The following UXS1 variants were observed in gnomAD, a reference collection of about 807,000 sequenced individuals.
The protein encoded by UXS1 is UDP-glucuronate decarboxylase 1, also known as UDP-glucuronic acid decarboxylase 1.
In UXS1, 33 loss-of-function variants were observed where a neutral mutation model predicts 62.6. The observed-to-expected ratio is 0.53, with a 90% CI of 0.40 to 0.70. The LOEUF is 0.70. UXS1 is among the 30% of genes least tolerant of loss of function. UXS1 has a pLI of 0.00. For missense variants in UXS1, 434 were observed against 556.3 expected, an observed-to-expected ratio of 0.78 and a Z score of 2.21; for synonymous variants, 213 against 206.8, an observed-to-expected ratio of 1.03 and a Z score of -0.26.
At chr2:106,138,139 C>A (rs759214511) in intron 6 of UXS1, 7 of 983,034 alleles carry the variant, frequency 7.1e-6, no homozygotes, top group Non-Finnish European at 8.5e-6. Context: ...GAAGCCTCTC[C>A]GACATCAAAC....
intron 1 of UXS1, among the ~76,000 whole-genome samples, chr2:106,185,470 C>T (rs578074109): frequency 6.6e-6 from 1 of 152,308 alleles, no homozygotes; most frequent in East Asian, 1.9e-4. Context: ...CCATTCAATT[C>T]TGGCTCCTTG....
intron 13 of UXS1, 93 bp from the exon 14 acceptor site, chr2:106,096,914 T>C (rs2104824349): frequency 8.1e-7 from 1 of 1,228,376 alleles, no homozygotes; most frequent in Non-Finnish European, 1.2e-6. Context: ...ACCCCATATG[T>C]GGTGTGAATA....
chr2:106,143,558 G>A (rs1226060647), intron 6 of UXS1, among the ~76,000 whole-genome samples: 4 of 151,618 alleles, frequency 2.6e-5, no homozygotes, highest in South Asian at 2.1e-4. Flanking sequence ...TTCACGATCC[G>A]ATCTGACAGG....
intron 10 of UXS1, among the ~76,000 whole-genome samples, chr2:106,108,196 T>A (rs1573413745): frequency 1.3e-5 from 2 of 152,390 alleles, no homozygotes; most frequent in South Asian, 4.1e-4. Context: ...TTAGCCTACC[T>A]ATTTCACTAA....
At chr2:106,172,211 G>T (rs149197512) in intron 1 of UXS1, among the ~76,000 whole-genome samples, 1 of 152,348 alleles carries the variant, frequency 6.6e-6, no homozygotes, top group South Asian at 2.1e-4. Flanking sequence ...GCCTGGCTGG[G>T]TGACAAGCAG....
At position 106,157,772 on chromosome 2, in the gene UXS1, A is replaced by C. The variant is rs1289558239; in HGVS notation, c.291+286T>G. ...TATCACATTATTTCTTTCAGACGAA[A>C]TGTTCAAAAAAGGCAGATTCATAGA... On this transcript the variant is annotated intron_variant, in intron 5 of 14. Coordinates refer to ENST00000283148, the MANE Select transcript of UXS1 (RefSeq NM_001253875.2). 2.4e-4 allele frequency among the ~76,000 whole-genome samples: 36 copies of C among 152,214 alleles called. 1 individual carries two copies. Among genetic ancestry groups the C allele is most frequent in the Non-Finnish European group, 1.5e-5 (1 of 68,036 alleles).
intron 1 of UXS1, among the ~76,000 whole-genome samples, chr2:106,178,004 CAG>C (rs1423955851): frequency 6.6e-6 from 1 of 152,222 alleles, no homozygotes; most frequent in African/African-American, 2.4e-5. Context: ...AGACAAAGAA[CAG>C]AGTCAAATGC....
chr2:106,127,738 A>G (rs536358436), intron 7 of UXS1, among the ~76,000 whole-genome samples: 2 of 152,314 alleles, frequency 1.3e-5, no homozygotes, highest in South Asian at 4.1e-4. Flanking sequence ...TTCAGAATAC[A>G]AAGTCCAATT....
intron 11 of UXS1, chr2:106,102,254 T>C (rs915043051): frequency 1.3e-5 from 2 of 152,234 alleles, no homozygotes; most frequent in African/African-American, 4.8e-5. Flanking sequence ...GCAGTATTGC[T>C]ACATTACAAT....
intron 1 of UXS1, 83 bp downstream of exon 1, chr2:106,194,065 G>T: frequency 8.4e-7 from 1 of 1,186,232 alleles, no homozygotes; most frequent in Non-Finnish European, 1.1e-6. Flanking sequence ...GGCCGCCTCG[G>T]GGCCCCGAAC....
At chr2:106,107,142 T>C (rs1678152891) in intron 10 of UXS1, among the ~76,000 whole-genome samples, 1 of 152,214 alleles carries the variant, frequency 6.6e-6, no homozygotes. Flanking sequence ...TGCCTCTGTC[T>C]GCATCCGGGG....
At chr2:106,130,858 A>G (rs528962884) in intron 6 of UXS1, among the ~76,000 whole-genome samples, 140 of 152,102 alleles carry the variant, frequency 9.2e-4, no homozygotes, top group African/African-American at 2.6e-3. Flanking sequence ...ATTCATATAT[A>G]TATATTTTTT....
At chr2:106,153,108 T>C (rs1322681447) in intron 5 of UXS1, among the ~76,000 whole-genome samples, 1 of 152,132 alleles carries the variant, frequency 6.6e-6, no homozygotes, top group African/African-American at 2.4e-5. Flanking sequence ...GCAATAGATC[T>C]ATGAGAATAA....
At position 106,122,974 on chromosome 2, in the gene UXS1, T is replaced by G; in HGVS notation, c.755A>C (p.Lys252Thr). ...GCCTAGACCCTGGTGAAATACCTGC[T>G]TCATGTAGGCATAGCACATGGTCTC... ...VAETMCYAYM[K>T]QEGVEVRVAR... is the part of the protein sequence containing the mutation. Residue 252 changes from lysine to threonine, a missense_variant, in exon 9 of 15, where the codon AAG becomes ACG. Around this residue, in one of 3 missense-constraint regions of UXS1, gnomAD observed 209 missense variants for 233.3 expected, o/e 0.90. Coordinates refer to ENST00000283148, the MANE Select transcript of UXS1 (RefSeq NM_001253875.2). The G allele has an allele frequency of 6.2e-7, 1 of 1,613,776 alleles. No individual in the cohort carries two copies.
chr2:106,160,867 A>C (rs1163307308), intron 4 of UXS1, among the ~76,000 whole-genome samples: 1 of 152,234 alleles, frequency 6.6e-6, no homozygotes, highest in African/African-American at 2.4e-5. Flanking sequence ...GTTCTTCTTC[A>C]ATATGTAGCA....
chr2:106,160,398 G>C (rs898433738), intron 4 of UXS1: 1 of 152,188 alleles, frequency 6.6e-6, no homozygotes, highest in African/African-American at 2.4e-5. Context: ...TCGTGAAAAC[G>C]CTGGAGCCGT....
At chr2:106,095,398 A>G (rs1676991947) in intron 14 of UXS1, among the ~76,000 whole-genome samples, 1 of 152,224 alleles carries the variant, frequency 6.6e-6, no homozygotes, top group Admixed American at 6.5e-5. Context: ...TTTTTAGCAG[A>G]TTACGTAGAC....
chr2:106,105,336 CTAA>C, intron 10 of UXS1, among the ~76,000 whole-genome samples: 1 of 152,130 alleles, frequency 6.6e-6, no homozygotes, highest in Non-Finnish European at 1.5e-5. Flanking sequence ...CCAGGAGATT[CTAA>C]TATAAGGCCA....
In UXS1 at chr2:106,145,353, C is replaced by T; in HGVS notation, c.309G>A (p.Gly103=). ...RKRILITGGA[G]FVGSHLTDKL... is the part of the protein sequence containing the mutation. ...TGTCAGTTAGATGGGAGCCCACGAA[C>T]CCTGCGCCTCCTGTTATCTGCATCC... Residue 103 remains glycine (G), a synonymous_variant, in exon 6 of 15, where the codon GGG becomes GGA. Coordinates refer to ENST00000283148, the MANE Select transcript of UXS1 (RefSeq NM_001253875.2). 6.2e-7 allele frequency: 1 copy of T among 1,613,360 alleles called. No individual in the cohort carries two copies. Among genetic ancestry groups the T allele is most frequent in the African/African-American group, 1.3e-5 (1 of 75,040 alleles).
Sources: gnomAD v4.1 joint callset for allele counts (sites outside exome capture counted in the v4.1 genomes callset) on GRCh38, gnomAD v4.1.1 for gene constraint, gnomAD v4.1.1 regional missense constraint, MANE v1.5 for transcripts, NCBI Gene and HGNC (gene_info 2026-07-23, HGNC 2026-07-21) for gene names.